The following RSU1 variants were observed in gnomAD, a reference collection of about 807,000 sequenced individuals.
The protein encoded by RSU1 is Ras suppressor protein 1.
RSU1 carries 26 observed loss-of-function variants against 31.1 expected under a neutral mutation model. The observed-to-expected ratio is 0.84, with a 90% CI of 0.61 to 1.16. The LOEUF is 1.16. RSU1 is among the 50% of genes most tolerant of loss of function. The pLI is 0.00. For synonymous variants in RSU1, 164 were observed against 136.3 expected, an observed-to-expected ratio of 1.20 and a Z score of -1.41; for missense variants, 320 against 339.1, an observed-to-expected ratio of 0.94 and a Z score of 0.44.
At position 16,710,188 on chromosome 10, in the gene RSU1, C is replaced by T. The variant is rs78421334; in HGVS notation, c.599-15033G>A. Among the ~76,000 whole-genome samples, 77 of 152,256 alleles carry T rather than the reference C, an allele frequency of 5.1e-4. 2 individuals carry two copies. The East Asian group carries it at 0.012, about 24-fold the overall frequency. On this transcript the variant is annotated intron_variant, in intron 7 of 8. Transcript: ENST00000345264. ...TTACTGTGTTAAGGTACATACCTTC[C>T]ATAACTAATTTGTTGAGTTTTTATG...
intron 8 of RSU1, among the ~76,000 whole-genome samples, chr10:16,680,017 G>A (rs142292497): frequency 0.011 from 1,719 of 151,918 alleles, 34 homozygotes; most frequent in African/African-American, 0.04. Context: ...GAGTACCTGG[G>A]ATTACAGACG....
intron 2 of RSU1, among the ~76,000 whole-genome samples, chr10:16,791,323 A>T (rs1837906982): frequency 2.0e-5 from 3 of 152,096 alleles, no homozygotes; most frequent in Admixed American, 2.0e-4. Context: ...CACCTGTCAA[A>T]AAAAATAAAA....
chr10:16,755,423 T>C (rs895569741), intron 4 of RSU1, among the ~76,000 whole-genome samples: 4 of 134,038 alleles, frequency 3.0e-5, no homozygotes, highest in African/African-American at 1.1e-4. Flanking sequence ...ATGCCCATCC[T>C]TTTTTTTTTT....
chr10:16,765,319 T>G (rs1837291815), intron 3 of RSU1, among the ~76,000 whole-genome samples: 1 of 152,182 alleles, frequency 6.6e-6, no homozygotes, highest in African/African-American at 2.4e-5. Flanking sequence ...CTGGAGTAAT[T>G]TAACTTGATC....
intron 7 of RSU1, among the ~76,000 whole-genome samples, chr10:16,718,845 G>A (rs1336467224): frequency 2.0e-5 from 3 of 152,032 alleles, no homozygotes; most frequent in African/African-American, 7.3e-5. Flanking sequence ...GCCGGGCATG[G>A]TGGCGGACAC....
At chr10:16,717,071 T>A (rs928617534) in intron 7 of RSU1, among the ~76,000 whole-genome samples, 2 of 152,248 alleles carry the variant, frequency 1.3e-5, no homozygotes, top group Non-Finnish European at 2.9e-5. Context: ...TTTATTTTTT[T>A]ATTTACATAT....
At chr10:16,751,857 C>A (rs1320432902) in intron 7 of RSU1, among the ~76,000 whole-genome samples, 1 of 152,150 alleles carries the variant, frequency 6.6e-6, no homozygotes, top group African/African-American at 2.4e-5. Flanking sequence ...ACTCGTGAAC[C>A]TTTTGCAGTG....
intron 8 of RSU1, among the ~76,000 whole-genome samples, chr10:16,674,893 C>G (rs894551091): frequency 6.6e-6 from 1 of 151,994 alleles, no homozygotes; most frequent in African/African-American, 2.4e-5. Flanking sequence ...ATTAGCCAGG[C>G]GTGGTGGCAC....
rs796601054 is a variant in RSU1 at position 16,660,645 on chromosome 10, C to CTT, written c.731+34376_731+34377dup. ...TCCAGTTCATTTATTCTTGAACTCT[C>CTT]TTTTTTTTTTTTTTTTTTTGAGGAA... On this transcript the variant is annotated intron_variant, in intron 8 of 8. Coordinates refer to ENST00000345264, the MANE Select transcript of RSU1 (RefSeq NM_012425.4). Among the ~76,000 whole-genome samples, 361 of 79,514 alleles carry CTT rather than the reference C, an allele frequency of 4.5e-3. 18 individuals are homozygous for CTT. Among genetic ancestry groups the CTT allele is most frequent in the African/African-American group, 0.016 (270 of 17,024 alleles). 52.2% of individuals were successfully genotyped at this position (79,514 alleles called of 152,430 possible). A position where few individuals can be genotyped will look rare whatever the true frequency, so the allele number is the denominator to read the frequency against.
At chr10:16,599,758 T>A (rs941104981) in intron 8 of RSU1, among the ~76,000 whole-genome samples, 3 of 152,236 alleles carry the variant, frequency 2.0e-5, no homozygotes, top group African/African-American at 7.2e-5. Context: ...CAGGGCCAAC[T>A]CCTTCCACCT....
intron 7 of RSU1, among the ~76,000 whole-genome samples, chr10:16,723,937 T>A (rs984375020): frequency 6.6e-6 from 1 of 152,186 alleles, no homozygotes; most frequent in African/African-American, 2.4e-5. Context: ...TTATGAGACA[T>A]GCCTTTTTAT....
At chr10:16,769,635 A>C (rs1168634106) in intron 3 of RSU1, among the ~76,000 whole-genome samples, 2 of 152,220 alleles carry the variant, frequency 1.3e-5, no homozygotes, top group Non-Finnish European at 2.9e-5. Context: ...AATTTCCAAC[A>C]ACTTCCCAGG....
chr10:16,731,323 G>A (rs989757523), intron 7 of RSU1, among the ~76,000 whole-genome samples: 1 of 151,810 alleles, frequency 6.6e-6, no homozygotes, highest in African/African-American at 2.4e-5. Flanking sequence ...CCAGCTACTT[G>A]GGAGACTGAG....
chr10:16,755,206 C>G (rs888186369), intron 4 of RSU1, among the ~76,000 whole-genome samples: 23 of 152,118 alleles, frequency 1.5e-4, no homozygotes, highest in Admixed American at 6.5e-5. Flanking sequence ...ACTGCAGCCT[C>G]AACCTCCCCA....
At chr10:16,626,049 C>CTTTTTTTTTTT (rs112699947) in intron 8 of RSU1, among the ~76,000 whole-genome samples, 1 of 144,314 alleles carries the variant, frequency 6.9e-6, no homozygotes, top group Non-Finnish European at 1.5e-5. Flanking sequence ...TTCCTTTTTT[C>CTTTTTTTTTTT]TTTTTTTTTT....
At chr10:16,720,961 T>C in intron 7 of RSU1, among the ~76,000 whole-genome samples, 1 of 152,126 alleles carries the variant, frequency 6.6e-6, no homozygotes. Context: ...CACTCCAGCC[T>C]GGACAACTGA....
chr10:16,734,974 A>T (rs578174977), intron 7 of RSU1, among the ~76,000 whole-genome samples: 1 of 152,226 alleles, frequency 6.6e-6, no homozygotes, highest in African/African-American at 2.4e-5. Context: ...GAAAAGGGCC[A>T]CCCACAAGCC....
chr10:16,721,097 T>A (rs892239259), intron 7 of RSU1, among the ~76,000 whole-genome samples: 1 of 152,216 alleles, frequency 6.6e-6, no homozygotes, highest in African/African-American at 2.4e-5. Flanking sequence ...GTTTGTGTCA[T>A]GAAGATAAAT....
At chr10:16,695,246 C>T in intron 7 of RSU1, 91 bp from the exon 8 acceptor site, 1 of 1,252,152 alleles carries the variant, frequency 8.0e-7, no homozygotes, top group Non-Finnish European at 1.1e-6. Context: ...CCTAAGTACC[C>T]TAAATCAAAC....
Sources: allele counts gnomAD v4.1 joint callset (sites outside exome capture counted in the v4.1 genomes callset), GRCh38; gene constraint gnomAD v4.1.1; transcripts MANE v1.5; gene names NCBI Gene and HGNC (gene_info 2026-07-23, HGNC 2026-07-21).